Variants in ZNF517 observed in about 807,000 individuals in gnomAD.
ZNF517 encodes zinc finger protein 517.
ZNF517 carries 12 observed loss-of-function variants against 12.1 expected under a neutral mutation model. The ratio of observed to expected loss-of-function variants is 0.99; its 90% CI spans 0.63 to 1.61. ZNF517 has a LOEUF of 1.61. ZNF517 is among the 40% of genes most tolerant of loss of function. ZNF517 has a pLI of 0.00. For missense variants in ZNF517, 781 were observed against 693.2 expected, an observed-to-expected ratio of 1.13 and a Z score of -1.42; for synonymous variants, 388 against 310.2, an observed-to-expected ratio of 1.25 and a Z score of -2.63.
At chr8:144,803,789 C>T in intron 3 of ZNF517, 22 bp downstream of exon 3, 1 of 1,609,808 alleles carries the variant, frequency 6.2e-7, no homozygotes, top group Non-Finnish European at 8.5e-7. Flanking sequence ...TGCCTTTGGT[C>T]CTGGGGCCGG....
In ZNF517 at chr8:144,807,954, C is replaced by T. The variant is rs535860606; in HGVS notation, c.1038C>T (p.Asp346=). The T allele has an allele frequency of 6.7e-7, 1 of 1,501,068 alleles. No homozygotes were observed. Among genetic ancestry groups the T allele is most frequent in the Non-Finnish European group, 8.9e-7 (1 of 1,127,752 alleles). 93.0% of individuals were successfully genotyped at this position (1,501,068 alleles called of 1,614,324 possible). Residue 346 remains aspartate (D), a synonymous_variant, in exon 5 of 5, where the codon GAC becomes GAT. Transcript: ENST00000359971. ...HRLHAQEGAQ[D]GGVGQGALLG... is the part of the protein sequence containing the mutation. ...TGCACGCGCAGGAGGGTGCCCAGGA[C>T]GGCGGCGTGGGGCAGGGCGCCCTGC...
Position 144,808,522 on chromosome 8 carries a change from C to A in ZNF517, c.*127C>A, listed in dbSNP as rs1434824472. 2 of 1,258,200 alleles carry A rather than the reference C, an allele frequency of 1.6e-6. No homozygotes were observed. Among genetic ancestry groups the A allele is most frequent in the Non-Finnish European group, 2.0e-6 (2 of 986,858 alleles). 77.9% of individuals were successfully genotyped at this position (1,258,200 alleles called of 1,614,324 possible). The stretch of plus-strand genomic sequence containing the variant: ...GTCTAAAGAAAGGGCCAGCTCCCAT[C>A]AGGAGCTCGGCTTCTTGCTCCAGCC... On this transcript the variant is annotated 3_prime_UTR_variant, in exon 5 of 5. Transcript: ENST00000359971.
At chr8:144,811,687 A>T (rs1359801282), downstream of ZNF517, among the ~76,000 whole-genome samples, 2 of 135,826 alleles carry the variant, frequency 1.5e-5, no homozygotes, top group African/African-American at 3.0e-5. Context: ...AGTAAAGCTC[A>T]GCCAGGTGCA....
At chr8:144,807,001 C>T (rs1175274183) in intron 4 of ZNF517, among the ~76,000 whole-genome samples, 190 bp from the exon 5 acceptor site, 2 of 151,894 alleles carry the variant, frequency 1.3e-5, no homozygotes, top group African/African-American at 4.8e-5. Flanking sequence ...TCACTACAAC[C>T]TCTGTCTCTG....
chr8:144,804,416 A>C (rs1358683058), intron 4 of ZNF517, among the ~76,000 whole-genome samples, 178 bp downstream of exon 4: 1 of 152,174 alleles, frequency 6.6e-6, no homozygotes, highest in Non-Finnish European at 1.5e-5. Flanking sequence ...TAACTTATGC[A>C]GGAAGACCCA....
rs1053333240 is a variant in ZNF517 at position 144,807,696 on chromosome 8, C to T, written c.780C>T (p.Pro260=). ...ACCGCGTCCACACCCGCGAGCGGCC[C>T]TACGCATGCGGCGAGTGCGGCAAGG... is the stretch of plus-strand genomic sequence containing the variant. ...AHHRVHTRER[P]YACGECGKAF... is the part of the protein sequence containing the mutation. The change falls in exon 5 of 5, where the codon CCC becomes CCT. Residue 260 remains proline (P), a synonymous_variant. Transcript: ENST00000359971. The T allele has an allele frequency of 1.9e-6, 3 of 1,611,062 alleles. No homozygotes were observed. The highest frequency in any genetic ancestry group is 4.5e-5 in the East Asian group (2 of 44,860).
chr8:144,807,184 C>T lies in ZNF517; in HGVS notation c.275-7C>T. ...ATCATCCTTCCGTTTTCTGTTCCTT[C>T]TCTCAGATTCCAGGATGGAGGCTGG... On this transcript the variant is annotated splice_polypyrimidine_tract_variant and splice_region_variant and intron_variant, in intron 4 of 4. Transcript: ENST00000359971. 3 of 1,516,856 alleles carry T rather than the reference C, an allele frequency of 2.0e-6. No homozygotes were observed. The highest frequency in any genetic ancestry group is 1.3e-5 in the South Asian group (1 of 75,774). The allele number at this position is 1,516,856 out of a possible 1,614,324, so 94.0% of individuals were successfully genotyped here. A position where few individuals can be genotyped will look rare whatever the true frequency, so the allele number is the denominator to read the frequency against.
Position 144,808,303 on chromosome 8 carries a change from CG to C in ZNF517, c.1389del (p.Leu464CysfsTer50). 1 of 1,537,118 alleles carries C rather than the reference CG, an allele frequency of 6.5e-7. No individual in the cohort carries two copies. Among genetic ancestry groups the C allele is most frequent in the Non-Finnish European group, 8.8e-7 (1 of 1,139,030 alleles). ...RCRACGRACS[R>X]LSTLIQHQKV... The stretch of plus-strand genomic sequence containing the variant: ...CCGCGCCTGCGGGAGGGCCTGCAGC[CG>C]GCTGTCCACCCTCATCCAGCACCAG... On this transcript the variant is annotated frameshift_variant, in exon 5 of 5. Transcript: ENST00000359971. LOFTEE classifies it low-confidence loss of function (END_TRUNC).
Position 144,807,777 on chromosome 8 carries a change from G to GC in ZNF517, c.864dup (p.Phe289LeufsTer235), listed in dbSNP as rs1563810599. The GC allele has an allele frequency of 6.2e-7, 1 of 1,612,206 alleles. No individual in the cohort carries two copies. Among genetic ancestry groups the GC allele is most frequent in the Non-Finnish European group, 8.5e-7 (1 of 1,179,558 alleles). Reference sequence around the variant, plus strand: ...ACCAGAAGTTCCACACCGGGGAGAAGCCCTTCGCGTGCACAGAGTGCGGCA... The same window carrying GC: ...ACCAGAAGTTCCACACCGGGGAGAAGCCCCTTCGCGTGCACAGAGTGCGGCA... On this transcript the variant is annotated frameshift_variant, in exon 5 of 5. Transcript: ENST00000359971. LOFTEE classifies it low-confidence loss of function (END_TRUNC).
intron 2 of ZNF517, 199 bp from the exon 3 acceptor site, chr8:144,803,442 C>T (rs2955225): frequency 0.035 from 22,943 of 647,752 alleles, 1,552 homozygotes; most frequent in African/African-American, 0.21. Flanking sequence ...TCAGTTTTTC[C>T]CTCTTCCTCT....
At position 144,803,584 on chromosome 8, in the gene ZNF517, TCTG is replaced by T. The variant is rs971730750; in HGVS notation, c.34-53_34-51del. On this transcript the variant is annotated intron_variant, in intron 2 of 4. Coordinates refer to ENST00000359971, the MANE Select transcript of ZNF517 (RefSeq NM_213605.3). ...TAGCAGATCATGCAAATGTTTCTCA[TCTG>T]CTGGGTTCTCACCGAGCCCTTGACT... The T allele has an allele frequency of 2.1e-5, 34 of 1,603,536 alleles. No homozygotes were observed. The African/African-American group carries it at 3.5e-4, about 16-fold the overall frequency.
At position 144,802,964 on chromosome 8, in the gene ZNF517, C is replaced by T. The variant is rs765021587; in HGVS notation, c.33+17C>T. On this transcript the variant is annotated intron_variant, in intron 2 of 4. Transcript: ENST00000359971. The stretch of plus-strand genomic sequence containing the variant: ...GGACCTCAGGTGAGCACCCCCTGAG[C>T]CCGTCCATTGCCCCAGGAGACTGCT... The T allele has an allele frequency of 1.2e-6, 2 of 1,613,776 alleles. No homozygotes were observed. Among genetic ancestry groups the T allele is most frequent in the South Asian group, 1.1e-5 (1 of 91,056 alleles).
At chr8:144,812,511 C>T (rs77790610), downstream of ZNF517, among the ~76,000 whole-genome samples, 53 of 148,516 alleles carry the variant, frequency 3.6e-4, no homozygotes, top group East Asian at 9.2e-3. Context: ...GGGAGAGAGA[C>T]GGACAGTAAA....
rs769617464 is a variant in ZNF517, at chr8:144,804,236, C to A, written c.272C>A (p.Thr91Lys). The A allele has an allele frequency of 1.2e-6, 2 of 1,612,576 alleles. No homozygotes were observed. The highest frequency in any genetic ancestry group is 1.7e-6 in the Non-Finnish European group (2 of 1,179,312). ...EQSVAKASLC[T>K]DSRMEAGIME... ...AGCGTGGCCAAAGCCAGCCTGTGCA[C>A]AGGTGAGTACAAAGCACCCACAGGG... The change falls in exon 4 of 5, where the codon ACA becomes AAA. Residue 91 changes from threonine (T) to lysine (K), a missense_variant and splice_region_variant. Thr to Lys is a moderately conservative substitution (Grantham distance 78). Transcript: ENST00000359971.
At chr8:144,811,892 GC>G (rs1323511962), downstream of ZNF517, among the ~76,000 whole-genome samples, 12 of 121,542 alleles carry the variant, frequency 9.9e-5, no homozygotes, top group Admixed American at 3.2e-4. Flanking sequence ...GGACAGTAAA[GC>G]TCAGCCAGGT....
chr8:144,806,189 C>A (rs1351090981), intron 4 of ZNF517, among the ~76,000 whole-genome samples: 1 of 152,180 alleles, frequency 6.6e-6, no homozygotes, highest in Non-Finnish European at 1.5e-5. Flanking sequence ...GCAGAAAGAA[C>A]CTTGAGCTGG....
At position 144,808,533 on chromosome 8, in the gene ZNF517, C is replaced by T. The variant is rs1827414678; in HGVS notation, c.*138C>T. 3.3e-6 allele frequency: 4 copies of T among 1,224,014 alleles called. No individual in the cohort carries two copies. Among genetic ancestry groups the T allele is most frequent in the Non-Finnish European group, 4.2e-6 (4 of 959,942 alleles). The allele number at this position is 1,224,014 out of a possible 1,614,324, so 75.8% of individuals were successfully genotyped here. ...GGGCCAGCTCCCATCAGGAGCTCGG[C>T]TTCTTGCTCCAGCCGGGCACTGGGG... is the stretch of plus-strand genomic sequence containing the variant. On this transcript the variant is annotated 3_prime_UTR_variant, in exon 5 of 5. Coordinates refer to ENST00000359971, the MANE Select transcript of ZNF517 (RefSeq NM_213605.3).
chr8:144,811,347 T>C (rs1827548681), downstream of ZNF517, among the ~76,000 whole-genome samples: 1 of 152,218 alleles, frequency 6.6e-6, no homozygotes, highest in Non-Finnish European at 1.5e-5. Flanking sequence ...CCAATCAGCT[T>C]CTGAACCTCT....
chr8:144,811,270 C>G (rs897999601), downstream of ZNF517: 1 of 152,538 alleles, frequency 6.6e-6, no homozygotes, highest in Non-Finnish European at 1.5e-5. Flanking sequence ...TCCCCAACCC[C>G]TTATTGCTGG....
Sources: gnomAD v4.1 joint callset for allele counts (sites outside exome capture counted in the v4.1 genomes callset) on GRCh38, gnomAD v4.1.1 for gene constraint, MANE v1.5 for transcripts, NCBI Gene and HGNC (gene_info 2026-07-23, HGNC 2026-07-21) for gene names.